KCTD16: variants seen among roughly 807,000 people sequenced by gnomAD.
KCTD16 encodes potassium channel tetramerization domain containing 16.
KCTD16 carries 13 observed loss-of-function variants against 33.2 expected under a neutral mutation model. The ratio of observed to expected loss-of-function variants is 0.39; its 90% CI spans 0.25 to 0.62. The LOEUF is 0.62. KCTD16 is among the 20% of genes least tolerant of loss of function. The probability of loss-of-function intolerance (pLI) is 0.50; values close to 1 mark genes in which losing one functional copy is unlikely to be tolerated. For synonymous variants in KCTD16, 197 were observed against 195.3 expected (o/e 1.01, Z -0.07); for missense variants, 441 against 525.1 (o/e 0.84, Z 1.57).
intron 3 of KCTD16, among the ~76,000 whole-genome samples, chr5:144,247,714 C>T (rs1482892356): frequency 6.6e-6 from 1 of 152,148 alleles, no homozygotes; most frequent in Non-Finnish European, 1.5e-5. Flanking sequence ...TAATACATTA[C>T]CAGAAAAGTA....
At chr5:144,194,941 A>G (rs1293668844) in intron 2 of KCTD16, among the ~76,000 whole-genome samples, 1 of 152,230 alleles carries the variant, frequency 6.6e-6, no homozygotes, top group Non-Finnish European at 1.5e-5. Context: ...ATTTGCAGTA[A>G]TGAAAGGTGA....
chr5:144,257,440 G>A (rs767379001), intron 3 of KCTD16, among the ~76,000 whole-genome samples: 58 of 151,980 alleles, frequency 3.8e-4, no homozygotes, highest in Non-Finnish European at 6.9e-4. Context: ...TCCAAACAAT[G>A]GTGTTTGGAA....
intron 3 of KCTD16, among the ~76,000 whole-genome samples, chr5:144,311,337 G>T (rs1157475232): frequency 6.6e-6 from 1 of 152,196 alleles, no homozygotes; most frequent in Non-Finnish European, 1.5e-5. Context: ...TTGTTGTGAA[G>T]ATTATGTGAG....
At chr5:144,387,176 C>A (rs1454965914) in intron 3 of KCTD16, among the ~76,000 whole-genome samples, 2 of 140,202 alleles carry the variant, frequency 1.4e-5, no homozygotes, top group African/African-American at 5.4e-5. Context: ...CAGAGTCTCA[C>A]TTTGTTGCCG....
At chr5:144,385,422 T>C (rs997114575) in intron 3 of KCTD16, 3 of 152,206 alleles carry the variant, frequency 2.0e-5, no homozygotes, top group African/African-American at 7.2e-5. Flanking sequence ...TGGGGATTTA[T>C]TTTTCATGTC....
intron 3 of KCTD16, among the ~76,000 whole-genome samples, chr5:144,427,344 C>G (rs1047523810): frequency 6.6e-6 from 1 of 152,056 alleles, no homozygotes; most frequent in Non-Finnish European, 1.5e-5. Context: ...GACATTCCTA[C>G]TTTATTTTCT....
intron 3 of KCTD16, among the ~76,000 whole-genome samples, chr5:144,407,201 G>GTT (rs60786617): frequency 0.048 from 6,807 of 142,418 alleles, 262 homozygotes; most frequent in African/African-American, 0.11. Context: ...AAAAATTCCT[G>GTT]TTTTTTTTTT....
rs563793376 is a variant in KCTD16, at chr5:144,227,298, A to G, written c.832+19752A>G. Among the ~76,000 whole-genome samples the G allele has an allele frequency of 3.3e-5, 5 of 152,282 alleles. No homozygotes were observed. The South Asian group carries it at 1.0e-3, about 32-fold the overall frequency. Reference sequence around the variant, plus strand: ...CTTGTAGAAGATGAACTTTCAAACTATGGGGAATCTGACAGGCAGAGGGAA... The same window carrying G: ...CTTGTAGAAGATGAACTTTCAAACTGTGGGGAATCTGACAGGCAGAGGGAA... On this transcript the variant is annotated intron_variant, in intron 3 of 3. Coordinates refer to ENST00000512467, the MANE Select transcript of KCTD16 (RefSeq NM_020768.4).
rs1185051267 is a variant in KCTD16, at chr5:144,170,896, T to G, written c.-606T>G. The stretch of plus-strand genomic sequence containing the variant: ...TCAGACCTAGGTGATGGAGGAAGAC[T>G]GGGAGGCGCTAAAATGAGACAGACG... On this transcript the variant is annotated 5_prime_UTR_variant, in exon 1 of 4. Coordinates refer to ENST00000512467, the MANE Select transcript of KCTD16 (RefSeq NM_020768.4). The G allele has an allele frequency of 2.6e-5, 4 of 152,224 alleles. No individual in the cohort carries two copies. The highest frequency in any genetic ancestry group is 2.0e-4 in the Admixed American group (3 of 15,284). The allele number at this position is 152,224 out of a possible 1,614,324, so 9.4% of individuals were successfully genotyped here.
At chr5:144,331,215 G>A (rs1561570026) in intron 3 of KCTD16, among the ~76,000 whole-genome samples, 1 of 152,122 alleles carries the variant, frequency 6.6e-6, no homozygotes, top group Admixed American at 6.5e-5. Context: ...AGTTACTTGA[G>A]GCACTGACTA....
chr5:144,268,108 T>C (rs982886723), intron 3 of KCTD16, among the ~76,000 whole-genome samples: 1 of 152,170 alleles, frequency 6.6e-6, no homozygotes. Context: ...TAATTTCAGC[T>C]CTTAGCACAG....
chr5:144,341,088 G>C lies in KCTD16; in HGVS notation c.833-132572G>C, dbSNP rs144989665. Among the ~76,000 whole-genome samples, 673 of 152,182 alleles carry C rather than the reference G, an allele frequency of 4.4e-3. 6 individuals carry two copies. The highest frequency in any genetic ancestry group is 0.016 in the African/African-American group (644 of 41,506). ...AACAAAAAACAAAAAAACTGAATCT[G>C]ATGGCACTTTGGCTCTTTGATCTTG... On this transcript the variant is annotated intron_variant, in intron 3 of 3. Transcript: ENST00000512467.
chr5:144,388,236 C>T (rs61164405), intron 3 of KCTD16, among the ~76,000 whole-genome samples: 4,477 of 151,592 alleles, frequency 0.03, 107 homozygotes, highest in African/African-American at 0.055. Context: ...CCCGCCACCA[C>T]GCCCAGCTAT....
intron 3 of KCTD16, among the ~76,000 whole-genome samples, chr5:144,466,975 AAT>A (rs1754346870): frequency 7.7e-6 from 1 of 130,132 alleles, no homozygotes; most frequent in Admixed American, 8.2e-5. Flanking sequence ...TATTATATAT[AAT>A]ATATATAACA....
intron 3 of KCTD16, among the ~76,000 whole-genome samples, chr5:144,403,483 A>G (rs905718911): frequency 6.6e-6 from 1 of 152,064 alleles, no homozygotes; most frequent in Non-Finnish European, 1.5e-5. Flanking sequence ...TGATATGTCT[A>G]CAAGCCAAGG....
chr5:144,186,275 A>G (rs540893858), intron 2 of KCTD16, among the ~76,000 whole-genome samples: 6 of 152,064 alleles, frequency 3.9e-5, no homozygotes, highest in African/African-American at 1.4e-4. Context: ...TAGCATCTAA[A>G]GTCTACAGTT....
chr5:144,466,555 T>C (rs1754336540), intron 3 of KCTD16, among the ~76,000 whole-genome samples: 1 of 152,178 alleles, frequency 6.6e-6, no homozygotes, highest in Admixed American at 6.5e-5. Flanking sequence ...CAGTCATGTT[T>C]AATGTCAGTA....
chr5:144,372,052 T>C (rs1367427163), intron 3 of KCTD16, among the ~76,000 whole-genome samples: 1 of 152,154 alleles, frequency 6.6e-6, no homozygotes, highest in Non-Finnish European at 1.5e-5. Context: ...AGGCCAGTCT[T>C]ACATGTTGGA....
At chr5:144,277,639 C>A (rs899160387) in intron 3 of KCTD16, among the ~76,000 whole-genome samples, 2 of 152,146 alleles carry the variant, frequency 1.3e-5, no homozygotes, top group African/African-American at 4.8e-5. Flanking sequence ...TTGTATTTTG[C>A]AATCCTATCA....
Sources: allele counts gnomAD v4.1 joint callset (sites outside exome capture counted in the v4.1 genomes callset), GRCh38; gene constraint gnomAD v4.1.1; transcripts MANE v1.5; gene names NCBI Gene and HGNC (gene_info 2026-07-23, HGNC 2026-07-21).